Variants in UNC13C observed in about 807,000 individuals in gnomAD.
UNC13C encodes the protein unc-13 homolog C, also known as protein unc-13 homolog C.
A neutral mutation model predicts 245.4 loss-of-function variants in UNC13C; 174 were observed. The observed-to-expected ratio is 0.71, with a 90% confidence interval of 0.63 to 0.80. The LOEUF (loss-of-function observed/expected upper bound fraction) is 0.80, where lower values mean the gene tolerates loss of function less well. Among genes scored for constraint, UNC13C ranks in the 30% least tolerant of loss-of-function variants. The pLI, the probability that UNC13C is intolerant of heterozygous loss-of-function variation, is 0.00. For synonymous variants in UNC13C, 992 were observed against 895.1 expected (o/e 1.11, Z -1.93); for missense variants, 2,829 against 2,602.9 (o/e 1.09, Z -1.89).
the UNC13C span, among the ~76,000 whole-genome samples, chr15:53,932,682 C>G: frequency 2.0e-5 from 3 of 152,036 alleles, no homozygotes; most frequent in Non-Finnish European, 2.9e-5. Flanking sequence ...TATTCCTTTC[C>G]TTTAAATATT....
chr15:54,114,825 T>C (rs1038042768), intron 2 of UNC13C, among the ~76,000 whole-genome samples: 4 of 152,140 alleles, frequency 2.6e-5, no homozygotes, highest in African/African-American at 7.2e-5. Context: ...AATGTTTCCA[T>C]GCATAAGAAT....
intron 2 of UNC13C, among the ~76,000 whole-genome samples, chr15:54,059,320 A>G (rs1897694019): frequency 1.3e-5 from 2 of 152,132 alleles, no homozygotes; most frequent in African/African-American, 4.8e-5. Context: ...TACACCAATA[A>G]CAGACAAACA....
At chr15:54,396,637 A>C (rs2040075677) in intron 18 of UNC13C, among the ~76,000 whole-genome samples, 2 of 151,522 alleles carry the variant, frequency 1.3e-5, no homozygotes, top group South Asian at 4.1e-4. Flanking sequence ...TATGTACTTA[A>C]TATTAAAACT....
downstream of UNC13C, chr15:54,631,899 A>G (rs370584556): frequency 8.3e-4 from 127 of 152,316 alleles, no homozygotes; most frequent in Middle Eastern, 3.4e-3. Context: ...CTTTAACTTC[A>G]TAAGGAACTT....
At chr15:54,464,192 A>G (rs1169295815) in intron 19 of UNC13C, among the ~76,000 whole-genome samples, 9 of 152,194 alleles carry the variant, frequency 5.9e-5, no homozygotes, top group Admixed American at 5.9e-4. Context: ...GAAAAACAAT[A>G]TCTTGGAATC....
intron 17 of UNC13C, among the ~76,000 whole-genome samples, chr15:54,350,901 T>C (rs2038967262): frequency 6.6e-6 from 1 of 152,228 alleles, no homozygotes; most frequent in Non-Finnish European, 1.5e-5. Flanking sequence ...ACAATGTGCT[T>C]CTTTATATTA....
intron 4 of UNC13C, among the ~76,000 whole-genome samples, chr15:54,154,147 C>G (rs1211436126): frequency 6.6e-6 from 1 of 151,950 alleles, no homozygotes; most frequent in Non-Finnish European, 1.5e-5. Flanking sequence ...TTTCCCCTAT[C>G]TAACTATATT....
chr15:54,151,554 CATCA>C (rs2032517522), intron 4 of UNC13C, among the ~76,000 whole-genome samples: 1 of 152,088 alleles, frequency 6.6e-6, no homozygotes, highest in African/African-American at 2.4e-5. Flanking sequence ...AGGCGCGTGC[CATCA>C]TGCCTGGCTA....
chr15:54,286,872 TA>T (rs1214863133), intron 10 of UNC13C, among the ~76,000 whole-genome samples: 2 of 152,122 alleles, frequency 1.3e-5, no homozygotes, highest in East Asian at 3.9e-4. Flanking sequence ...TTGAATGGAA[TA>T]AAAGACCTTA....
At chr15:54,186,856 T>TATATATATATATATATATATATATA (rs1567079918) in intron 4 of UNC13C, among the ~76,000 whole-genome samples, 62 of 120,096 alleles carry the variant, frequency 5.2e-4, no homozygotes, top group Non-Finnish European at 7.0e-4. Flanking sequence ...TATATATATA[T>TATATATATATATATATATATATATA]TTTGTTTTTT....
chr15:54,152,884 G>T (rs1238080601), intron 4 of UNC13C, among the ~76,000 whole-genome samples: 1 of 152,010 alleles, frequency 6.6e-6, no homozygotes, highest in East Asian at 1.9e-4. Flanking sequence ...CACTGAGGGT[G>T]ATAATTGTAT....
intron 2 of UNC13C, among the ~76,000 whole-genome samples, chr15:54,061,935 C>A (rs925922907): frequency 3.3e-5 from 5 of 152,164 alleles, no homozygotes; most frequent in African/African-American, 1.2e-4. Context: ...AGAATTTGGG[C>A]AGCCCGTATC....
chr15:54,270,016 T>G (rs2036644382), intron 10 of UNC13C, among the ~76,000 whole-genome samples: 1 of 152,202 alleles, frequency 6.6e-6, no homozygotes, highest in South Asian at 2.1e-4. Context: ...TTGTCTCCTT[T>G]TTAAATGCCA....
chr15:54,527,390 G>GA (rs937107144), intron 25 of UNC13C, among the ~76,000 whole-genome samples: 1 of 151,298 alleles, frequency 6.6e-6, no homozygotes, highest in Admixed American at 6.6e-5. Context: ...TTAGGGGGAG[G>GA]AAAAAAAAGA....
chr15:54,500,832 C>T lies in UNC13C; in HGVS notation c.5158-3C>T. On this transcript the variant is annotated splice_polypyrimidine_tract_variant and splice_region_variant and intron_variant, in intron 21 of 32. Transcript: ENST00000260323. ...GGGATGGTTTCACCTCCTCTCCCCA[C>T]AGTTCCAGCAGACATCTGAGCATGC... The T allele has an allele frequency of 6.2e-7, 1 of 1,612,324 alleles. No individual in the cohort carries two copies. Among genetic ancestry groups the T allele is most frequent in the South Asian group, 1.1e-5 (1 of 90,964 alleles).
intron 26 of UNC13C, among the ~76,000 whole-genome samples, chr15:54,539,263 A>C (rs1896132119): frequency 6.6e-6 from 1 of 152,020 alleles, no homozygotes; most frequent in African/African-American, 2.4e-5. Flanking sequence ...AGGAAAATTA[A>C]GCCTTATGTT....
chr15:54,584,984 A>G lies in UNC13C; in HGVS notation c.6106+17037A>G, dbSNP rs189735848. 2.6e-5 allele frequency among the ~76,000 whole-genome samples: 4 copies of G among 152,364 alleles called. No individual in the cohort carries two copies. The East Asian group carries it at 5.8e-4, about 22-fold the overall frequency. Reference sequence around the variant, plus strand: ...AAAGTGATGCTATGGCCATTTGAGTAAAACCAATTTTGGCCTATACTTTTG... The same window carrying G: ...AAAGTGATGCTATGGCCATTTGAGTGAAACCAATTTTGGCCTATACTTTTG... On this transcript the variant is annotated intron_variant, in intron 30 of 32. Coordinates refer to ENST00000260323, the MANE Select transcript of UNC13C (RefSeq NM_001080534.3).
At chr15:54,197,236 G>A (rs531598628) in intron 4 of UNC13C, among the ~76,000 whole-genome samples, 1 of 152,206 alleles carries the variant, frequency 6.6e-6, no homozygotes, top group East Asian at 1.9e-4. Context: ...CAGCACTTTG[G>A]GAAGCCAAGG....
intron 13 of UNC13C, among the ~76,000 whole-genome samples, chr15:54,302,661 G>A (rs1454908693): frequency 1.3e-5 from 2 of 152,064 alleles, no homozygotes; most frequent in African/African-American, 4.8e-5. Flanking sequence ...TATCTGTGTT[G>A]GTACCAGTAC....
Sources: allele counts gnomAD v4.1 joint callset (sites outside exome capture counted in the v4.1 genomes callset), GRCh38; gene constraint gnomAD v4.1.1; transcripts MANE v1.5; gene names NCBI Gene and HGNC (gene_info 2026-07-23, HGNC 2026-07-21).